The following VPS53 variants were observed in gnomAD, a reference collection of about 807,000 sequenced individuals.
VPS53 encodes VPS53 subunit of GARP complex.
In VPS53, 70 loss-of-function variants were observed where a neutral mutation model predicts 107.0. That is an observed-to-expected ratio of 0.65 (90% confidence interval 0.54 to 0.80). The LOEUF is 0.80. Among genes scored for constraint, VPS53 ranks in the 30% least tolerant of loss-of-function variants. The pLI is 0.00. For synonymous variants in VPS53, 409 were observed against 393.3 expected (o/e 1.04, Z -0.47); for missense variants, 917 against 1,049.4 (o/e 0.87, Z 1.74).
chr17:578,089 C>T (rs144612475), intron 13 of VPS53, among the ~76,000 whole-genome samples: 4 of 151,448 alleles, frequency 2.6e-5, no homozygotes, highest in African/African-American at 9.7e-5. Flanking sequence ...CCCAGGCAAC[C>T]TCCCTCAGAA....
At chr17:714,502 A>T in intron 1 of VPS53, 121 bp downstream of exon 1, 1 of 919,592 alleles carries the variant, frequency 1.1e-6, no homozygotes, top group Non-Finnish European at 1.7e-6. Context: ...CCCCACCTCC[A>T]CTTTCCCTTC....
intron 4 of VPS53, among the ~76,000 whole-genome samples, chr17:688,055 T>C (rs942477211): frequency 2.6e-5 from 4 of 152,296 alleles, no homozygotes; most frequent in African/African-American, 9.6e-5. Flanking sequence ...ATAGCTTTTC[T>C]AAAAATGAGG....
chr17:587,849 C>T (rs191402574), intron 12 of VPS53, among the ~76,000 whole-genome samples: 37 of 152,114 alleles, frequency 2.4e-4, no homozygotes, highest in African/African-American at 8.9e-4. Flanking sequence ...TAAAAACCCA[C>T]TTTATTGAGG....
chr17:639,542 G>A (rs1469782245), intron 7 of VPS53, among the ~76,000 whole-genome samples: 1 of 152,072 alleles, frequency 6.6e-6, no homozygotes, highest in East Asian at 1.9e-4. Context: ...CCATCTTTGG[G>A]GTTTTATCTA....
intron 13 of VPS53, among the ~76,000 whole-genome samples, chr17:572,516 G>A (rs1405933734): frequency 2.6e-5 from 4 of 151,992 alleles, no homozygotes; most frequent in Non-Finnish European, 5.9e-5. Context: ...TGCCCAGCGC[G>A]TCTGGGACGT....
At chr17:698,944 G>C (rs1973090213) in intron 3 of VPS53, among the ~76,000 whole-genome samples, 1 of 151,928 alleles carries the variant, frequency 6.6e-6, no homozygotes, top group Admixed American at 6.6e-5. Context: ...AAGGCAGGTG[G>C]ATCACTTGAG....
At chr17:704,443 T>G (rs947647035) in intron 2 of VPS53, among the ~76,000 whole-genome samples, 3 of 152,226 alleles carry the variant, frequency 2.0e-5, no homozygotes, top group Non-Finnish European at 4.4e-5. Flanking sequence ...CAATCTAAAC[T>G]CATAATGTAC....
intron 12 of VPS53, among the ~76,000 whole-genome samples, chr17:591,506 G>T (rs1235248620): frequency 6.6e-6 from 1 of 151,980 alleles, no homozygotes; most frequent in Non-Finnish European, 1.5e-5. Flanking sequence ...GCTTTCTCTT[G>T]TGGGCATTTA....
intron 11 of VPS53, among the ~76,000 whole-genome samples, chr17:616,985 G>A (rs1043608048): frequency 6.6e-6 from 1 of 152,194 alleles, no homozygotes; most frequent in African/African-American, 2.4e-5. Context: ...CAAATCACCA[G>A]GAAGTAGGGC....
At chr17:560,657 A>G in intron 14 of VPS53, 84 bp from the exon 15 acceptor site, 2 of 1,508,740 alleles carry the variant, frequency 1.3e-6, no homozygotes, top group South Asian at 2.5e-5. Flanking sequence ...TAAGATACAG[A>G]AAAGGGGGAA....
chr17:598,025 G>A (rs1382029432), intron 12 of VPS53, among the ~76,000 whole-genome samples: 22 of 76,042 alleles, frequency 2.9e-4, no homozygotes, highest in Non-Finnish European at 2.6e-4. Context: ...ATGCTGAGCC[G>A]AAGCTGGACT....
chr17:695,378 GCGGC>G (rs1972920613), intron 4 of VPS53, among the ~76,000 whole-genome samples: 1 of 152,132 alleles, frequency 6.6e-6, no homozygotes, highest in Non-Finnish European at 1.5e-5. Context: ...GGGAAATGCG[GCGGC>G]TTAAAGAAAT....
At chr17:702,920 C>T (rs1371552146) in intron 2 of VPS53, among the ~76,000 whole-genome samples, 4 of 151,156 alleles carry the variant, frequency 2.6e-5, no homozygotes, top group African/African-American at 2.4e-5. Flanking sequence ...ACTATGGAGG[C>T]GGAGGCCGGG....
chr17:664,329 C>T (rs1055033133), intron 4 of VPS53, among the ~76,000 whole-genome samples: 8 of 152,106 alleles, frequency 5.3e-5, no homozygotes, highest in Admixed American at 1.3e-4. Flanking sequence ...CTGCCCGCCT[C>T]GGCCTCCCAA....
Position 627,950 on chromosome 17 carries a change from AGCCCCTAG to A in VPS53, c.831+130_831+137del, listed in dbSNP as rs573191569. The A allele has an allele frequency of 4.7e-5, 38 of 806,754 alleles. No homozygotes were observed. The East Asian group carries it at 1.0e-3, about 22-fold the overall frequency. 50.0% of individuals were successfully genotyped at this position (806,754 alleles called of 1,614,324 possible). A position where few individuals can be genotyped will look rare whatever the true frequency, so the allele number is the denominator to read the frequency against. ...CAAAATGGTTAAGAACTATAAACTCAGCCCCTAGGACTCACAGCTCAACAACCAACACT... is the reference window on the plus strand; with the variant it reads ...CAAAATGGTTAAGAACTATAAACTCAGACTCACAGCTCAACAACCAACACT... On this transcript the variant is annotated intron_variant, in intron 9 of 21. Transcript: ENST00000437048.
intron 11 of VPS53, among the ~76,000 whole-genome samples, chr17:608,162 C>A (rs1423448527): frequency 6.6e-6 from 1 of 152,222 alleles, no homozygotes; most frequent in Non-Finnish European, 1.5e-5. Flanking sequence ...CAGGGGTTCA[C>A]ACACTTGGTG....
intron 18 of VPS53, among the ~76,000 whole-genome samples, chr17:534,039 C>T (rs1386367655): frequency 6.6e-6 from 1 of 151,962 alleles, no homozygotes; most frequent in African/African-American, 2.4e-5. Flanking sequence ...AGGGTTTCAC[C>T]ATGTTGGCCA....
chr17:554,480 T>A (rs1423941715), intron 15 of VPS53, among the ~76,000 whole-genome samples: 1 of 152,182 alleles, frequency 6.6e-6, no homozygotes, highest in African/African-American at 2.4e-5. Context: ...CTTGGCTCAC[T>A]GCAACCTCTG....
chr17:521,174 G>A (rs1908722554), intron 20 of VPS53, among the ~76,000 whole-genome samples: 2 of 152,204 alleles, frequency 1.3e-5, no homozygotes, highest in South Asian at 4.1e-4. Context: ...TCCATTTGCT[G>A]ATTAGATTCA....
Sources: allele counts gnomAD v4.1 joint callset (sites outside exome capture counted in the v4.1 genomes callset), GRCh38; gene constraint gnomAD v4.1.1; transcripts MANE v1.5; gene names NCBI Gene and HGNC (gene_info 2026-07-23, HGNC 2026-07-21).